Variants in EPHA10 observed in about 807,000 individuals in gnomAD.
The protein encoded by EPHA10 is EPH receptor A10, also known as ephrin type-A receptor 10.
Under a neutral mutation model 109.7 loss-of-function variants are expected in EPHA10, and 120 were observed. The ratio of observed to expected loss-of-function variants is 1.09; its 90% CI spans 0.94 to 1.27. EPHA10 has a LOEUF of 1.27. Ranked by LOEUF, EPHA10 falls within the 50% of genes most tolerant of loss-of-function variation. The pLI is 0.00. For missense variants in EPHA10, 1,396 were observed against 1,411.1 expected (o/e 0.99, Z 0.17); for synonymous variants, 640 against 618.9 (o/e 1.03, Z -0.51).
chr1:37,761,283 A>G, intron 3 of EPHA10, 122 bp downstream of exon 3: 1 of 1,518,720 alleles, frequency 6.6e-7, no homozygotes, highest in South Asian at 1.3e-5. Flanking sequence ...TGGGCTCCAG[A>G]GTCCAAGGCT....
intron 8 of EPHA10, among the ~76,000 whole-genome samples, chr1:37,724,150 A>G (rs1170987072): frequency 6.6e-6 from 1 of 152,208 alleles, no homozygotes; most frequent in Non-Finnish European, 1.5e-5. Context: ...TGGGGTCAAC[A>G]TGGGCATGGA....
intron 8 of EPHA10, among the ~76,000 whole-genome samples, chr1:37,724,184 A>G (rs547409980): frequency 6.6e-6 from 1 of 152,340 alleles, no homozygotes; most frequent in African/African-American, 2.4e-5. Context: ...CTCGAGTGAC[A>G]TGAAGGTGAC....
Position 37,754,088 on chromosome 1 carries a change from G to T in EPHA10, c.1006+127C>A. On this transcript the variant is annotated intron_variant, in intron 4 of 16. Transcript: ENST00000373048. This position sits in a 1 kb window ranked among gnomAD's most constrained non-coding sequence, Gnocchi z 4.5. ...CCGTACGCCGCCTTCCGGGGCGCTG[G>T]CCCCCATATCCGCCCACGTGCGCCC... 1 of 1,074,930 alleles carries T rather than the reference G, an allele frequency of 9.3e-7. No individual in the cohort carries two copies. 66.6% of individuals were successfully genotyped at this position (1,074,930 alleles called of 1,614,324 possible).
At position 37,735,277 on chromosome 1, in the gene EPHA10, CG is replaced by C. The variant is rs754773919; in HGVS notation, c.1470del (p.Tyr490Ter). 74 of 1,565,182 alleles carry C rather than the reference CG, an allele frequency of 4.7e-5. No homozygotes were observed. The East Asian group carries it at 1.3e-3, about 27-fold the overall frequency. ...CTCACCTTCTCGTAGTATCGGATCT[CG>C]TACTCCGTGTCATTGGCCCCAGGGG... ...AGAPGANDTEYEIRYYEKGQS... is the reference protein window; with the variant it reads ...AGAPGANDTEXEIRYYEKGQS... On this transcript the variant is annotated frameshift_variant, in exon 6 of 17. Transcript: ENST00000373048. LOFTEE classifies it high-confidence loss of function.
rs200961791 is a variant in EPHA10 at position 37,761,343 on chromosome 1, T to G, written c.850+62A>C. On this transcript the variant is annotated intron_variant, in intron 3 of 16. Coordinates refer to ENST00000373048, the MANE Select transcript of EPHA10 (RefSeq NM_001099439.2). ...CCCGCCTCTTTCCTCTAGGGCACAC[T>G]CTCTCTCAATTGCCACCTACGCTCT... 321 of 1,572,526 alleles carry G rather than the reference T, an allele frequency of 2.0e-4. No individual in the cohort carries two copies. The East Asian group carries it at 6.3e-3, about 31-fold the overall frequency.
intron 5 of EPHA10, among the ~76,000 whole-genome samples, chr1:37,749,773 G>A (rs1454149701): frequency 6.6e-6 from 1 of 152,150 alleles, no homozygotes; most frequent in Non-Finnish European, 1.5e-5. Flanking sequence ...TCTCAGAAAT[G>A]CGTTGTTAGG....
At position 37,719,957 on chromosome 1, in the gene EPHA10, C is replaced by A. The variant is rs200984509; in HGVS notation, c.2514G>T (p.Glu838Asp). The change falls in exon 14 of 17, where the codon GAG (glutamate) becomes GAT (aspartate). Residue 838 changes from glutamate (E) to aspartate (D), a missense_variant. Transcript: ENST00000373048. ...DVWSFGIIMW[E>D]VMAFGERPYW... ...AAGGCCGCTCCCCAAAGGCCATCAC[C>A]TCCCACATGATGATGCCGAAGCTCC... is the stretch of plus-strand genomic sequence containing the variant. The A allele has an allele frequency of 5.8e-5, 94 of 1,613,998 alleles. No homozygotes were observed. In the African/African-American group the frequency reaches 1.2e-3, roughly 20 times the overall value.
In EPHA10 at chr1:37,764,750, G is replaced by C. The variant is rs543623447; in HGVS notation, c.106+211C>G. ...TGGCCTCTTTCTTTCCCAACCTCCC[G>C]GGTCTCCAGCCCCCAAGCTCCTCAG... is the stretch of plus-strand genomic sequence containing the variant. On this transcript the variant is annotated intron_variant, in intron 1 of 16. Coordinates refer to ENST00000373048, the MANE Select transcript of EPHA10 (RefSeq NM_001099439.2). The surrounding 1 kb of genome is among the most constrained non-coding windows in gnomAD (Gnocchi z 5.8). Among the ~76,000 whole-genome samples, 3 of 151,610 alleles carry C rather than the reference G, an allele frequency of 2.0e-5. No homozygotes were observed. Among genetic ancestry groups the C allele is most frequent in the African/African-American group, 7.3e-5 (3 of 41,246 alleles).
chr1:37,751,134 C>T (rs920628937), intron 5 of EPHA10, among the ~76,000 whole-genome samples: 6 of 137,816 alleles, frequency 4.4e-5, no homozygotes, highest in Non-Finnish European at 9.1e-5. Context: ...GAACCCCAGA[C>T]GCGGAGCTTG....
intron 8 of EPHA10, among the ~76,000 whole-genome samples, chr1:37,725,743 G>A (rs1645880122): frequency 6.6e-6 from 1 of 152,100 alleles, no homozygotes; most frequent in African/African-American, 2.4e-5. Context: ...CTGAGTGGAT[G>A]GAGGAGCGAA....
rs56226051 is a variant in EPHA10 at position 37,732,863 on chromosome 1, C to CTTTTTTTTTTT, written c.1492-1292_1492-1282dup. On this transcript the variant is annotated intron_variant, in intron 6 of 16. Transcript: ENST00000373048. ...CAAATATAGCCCTTTTATACTTGTT[C>CTTTTTTTTTTT]TTTTTTTTTTTTTTTTTTTTTTTTT... Among the ~76,000 whole-genome samples the CTTTTTTTTTTT allele has an allele frequency of 1.2e-3, 31 of 25,042 alleles. 6 individuals carry two copies. Among genetic ancestry groups the CTTTTTTTTTTT allele is most frequent in the African/African-American group, 1.7e-3 (13 of 7,482 alleles). 16.4% of individuals were successfully genotyped at this position (25,042 alleles called of 152,430 possible).
chr1:37,718,270 C>A lies in EPHA10; in HGVS notation c.*102G>T. 1 of 991,456 alleles carries A rather than the reference C, an allele frequency of 1.0e-6. No homozygotes were observed. Among genetic ancestry groups the A allele is most frequent in the Non-Finnish European group, 1.5e-6 (1 of 657,624 alleles). 61.4% of individuals were successfully genotyped at this position (991,456 alleles called of 1,614,324 possible). On this transcript the variant is annotated 3_prime_UTR_variant, in exon 17 of 17. Transcript: ENST00000373048. ...TCTGGGCCCAAGCAGAGGAAGAGAG[C>A]GCTCCCTCCCACACTGCTGGAGCGC...
intron 8 of EPHA10, among the ~76,000 whole-genome samples, chr1:37,725,998 C>T (rs1241409332): frequency 6.6e-6 from 1 of 152,252 alleles, no homozygotes; most frequent in African/African-American, 2.4e-5. Context: ...CTCCCCATTT[C>T]AGAGCAGCTG....
At chr1:37,741,125 A>C (rs663428) in intron 5 of EPHA10, among the ~76,000 whole-genome samples, 1 of 152,130 alleles carries the variant, frequency 6.6e-6, no homozygotes, top group South Asian at 2.1e-4. Context: ...CCTGAGCCTC[A>C]GTTTCCCCGT....
At position 37,764,576 on chromosome 1, in the gene EPHA10, C is replaced by A. The variant is rs1267525879; in HGVS notation, c.106+385G>T. Among the ~76,000 whole-genome samples the A allele has an allele frequency of 6.6e-6, 1 of 152,144 alleles. No homozygotes were observed. Among genetic ancestry groups the A allele is most frequent in the Non-Finnish European group, 1.5e-5 (1 of 68,024 alleles). On this transcript the variant is annotated intron_variant, in intron 1 of 16. Transcript: ENST00000373048. This position sits in a 1 kb window ranked among gnomAD's most constrained non-coding sequence, Gnocchi z 5.8. ...GGTCTCCTAGCCCCTGTAGTCCGGG[C>A]TCCATCCCGTCTCCCCATATTCCGA...
intron 5 of EPHA10, among the ~76,000 whole-genome samples, chr1:37,748,774 T>G (rs1646277532): frequency 6.6e-6 from 1 of 152,094 alleles, no homozygotes; most frequent in Non-Finnish European, 1.5e-5. Flanking sequence ...TTAATAAGCA[T>G]TTTATAAAAT....
At chr1:37,715,822 C>G (rs1447852327), downstream of EPHA10, 1 of 494,778 alleles carries the variant, frequency 2.0e-6, no homozygotes. Context: ...GATCCTGGGA[C>G]ATCTTTCACG....
rs1645693601 is a variant in EPHA10, at chr1:37,716,524, C to G, written c.*1848G>C. 1 of 231,634 alleles carries G rather than the reference C, an allele frequency of 4.3e-6. No individual in the cohort carries two copies. Among genetic ancestry groups the G allele is most frequent in the Non-Finnish European group, 8.5e-6 (1 of 117,272 alleles). The allele number at this position is 231,634 out of a possible 1,614,324, so 14.3% of individuals were successfully genotyped here. A position where few individuals can be genotyped will look rare whatever the true frequency, so the allele number is the denominator to read the frequency against. ...CCCCAGTACCCCCAGAGTCACTGAGCTGGGGCAGGTGCTCAGGAGACAGGG... is the reference window on the plus strand; with the variant it reads ...CCCCAGTACCCCCAGAGTCACTGAGGTGGGGCAGGTGCTCAGGAGACAGGG... On this transcript the variant is annotated 3_prime_UTR_variant, in exon 17 of 17. Transcript: ENST00000373048.
chr1:37,720,120 C>A, intron 13 of EPHA10, 62 bp from the exon 14 acceptor site: 1 of 1,590,738 alleles, frequency 6.3e-7, no homozygotes, highest in South Asian at 1.1e-5. Context: ...TTCCCCACCC[C>A]ACTGAGCCCC....
Sources: gnomAD v4.1 joint callset for allele counts (sites outside exome capture counted in the v4.1 genomes callset) on GRCh38, gnomAD v4.1.1 for gene constraint, Gnocchi (gnomAD v3.1) non-coding constraint, MANE v1.5 for transcripts, NCBI Gene and HGNC (gene_info 2026-07-23, HGNC 2026-07-21) for gene names.